The following APP variants were observed in gnomAD, a reference collection of about 807,000 sequenced individuals.
The protein encoded by APP is amyloid-beta precursor protein.
APP carries 31 observed loss-of-function variants against 101.4 expected under a neutral mutation model. That is an observed-to-expected ratio of 0.31 (90% confidence interval 0.23 to 0.41). The LOEUF is 0.41. APP is among the 10% of genes least tolerant of loss of function. APP has a pLI of 1.00. For missense variants in APP, 839 were observed against 1,003.7 expected, an observed-to-expected ratio of 0.84 and a Z score of 2.22; for synonymous variants, 366 against 364.4, an observed-to-expected ratio of 1.00 and a Z score of -0.05.
chr21:25,882,232 G>A (rs976285091), intron 17 of APP, among the ~76,000 whole-genome samples: 3 of 151,500 alleles, frequency 2.0e-5, no homozygotes, highest in Non-Finnish European at 4.4e-5. Flanking sequence ...AATCTGTGTA[G>A]AAAAATACTC....
intron 1 of APP, among the ~76,000 whole-genome samples, chr21:26,137,758 C>T (rs751626258): frequency 6.6e-6 from 1 of 152,020 alleles, no homozygotes; most frequent in Non-Finnish European, 1.5e-5. Flanking sequence ...AAAAAACAAA[C>T]AAACAAACCT....
intron 13 of APP, among the ~76,000 whole-genome samples, chr21:25,938,319 T>C (rs2040435924): frequency 6.6e-6 from 1 of 152,098 alleles, no homozygotes; most frequent in Non-Finnish European, 1.5e-5. Context: ...GGCCAGTTTA[T>C]AGATGGGGAC....
chr21:25,886,781 C>CT (rs201463703), intron 17 of APP, among the ~76,000 whole-genome samples: 2 of 152,178 alleles, frequency 1.3e-5, no homozygotes, highest in African/African-American at 4.8e-5. Flanking sequence ...TGCACCCCCC[C>CT]TCACTTTTCC....
chr21:25,898,098 C>T, intron 15 of APP: 1 of 184,498 alleles, frequency 5.4e-6, no homozygotes, highest in Non-Finnish European at 1.1e-5. Context: ...TAAAAATGAG[C>T]ATTAATTACC....
chr21:26,130,206 G>A (rs2062764227), intron 1 of APP, among the ~76,000 whole-genome samples: 1 of 152,196 alleles, frequency 6.6e-6, no homozygotes, highest in African/African-American at 2.4e-5. Flanking sequence ...ATACCATTCT[G>A]TGATGTTTAA....
rs529609383 is a variant in APP at position 25,923,381 on chromosome 21, G to A, written c.1688-11419C>T. ...CAACAAAAGCCAAAATGGACAAATGGGATCTAATTAAACTAAAGAGCTTCT... is the reference window on the plus strand; with the variant it reads ...CAACAAAAGCCAAAATGGACAAATGAGATCTAATTAAACTAAAGAGCTTCT... On this transcript the variant is annotated intron_variant, in intron 13 of 17. Coordinates refer to ENST00000346798, the MANE Select transcript of APP (RefSeq NM_000484.4). Among the ~76,000 whole-genome samples the A allele has an allele frequency of 1.0e-3, 149 of 148,382 alleles. 2 individuals are homozygous for A. Among genetic ancestry groups the A allele is most frequent in the African/African-American group, 3.6e-3 (140 of 38,370 alleles).
intron 1 of APP, among the ~76,000 whole-genome samples, chr21:26,138,815 G>T (rs149736934): frequency 2.6e-4 from 40 of 152,232 alleles, no homozygotes; most frequent in Non-Finnish European, 5.0e-4. Context: ...TTTATCCATT[G>T]CAAACACAAC....
intron 17 of APP, among the ~76,000 whole-genome samples, chr21:25,885,761 C>G (rs1435821377): frequency 6.6e-6 from 1 of 152,176 alleles, no homozygotes. Context: ...ACGTTTGACA[C>G]TCTTTGGCTA....
intron 1 of APP, among the ~76,000 whole-genome samples, chr21:26,168,501 T>C (rs1601613670): frequency 1.3e-5 from 2 of 152,222 alleles, no homozygotes; most frequent in South Asian, 2.1e-4. Flanking sequence ...AGAAAGAGCA[T>C]ATTAATGCAA....
chr21:25,979,615 G>A (rs1473570714), intron 9 of APP, among the ~76,000 whole-genome samples: 1 of 152,072 alleles, frequency 6.6e-6, no homozygotes, highest in Non-Finnish European at 1.5e-5. Flanking sequence ...TATATCTGAT[G>A]ACTAAAAGAT....
intron 13 of APP, among the ~76,000 whole-genome samples, chr21:25,951,562 T>C (rs2041076390): frequency 6.6e-6 from 1 of 152,204 alleles, no homozygotes; most frequent in African/African-American, 2.4e-5. Context: ...TAGTATGCTA[T>C]TTGTACTGAA....
At chr21:25,970,383 A>G (rs1277968018) in intron 11 of APP, among the ~76,000 whole-genome samples, 2 of 152,298 alleles carry the variant, frequency 1.3e-5, no homozygotes, top group East Asian at 1.9e-4. Context: ...TCCATTTAGC[A>G]AAGATCTTAC....
chr21:25,999,284 C>G (rs1313993292), intron 7 of APP, among the ~76,000 whole-genome samples: 1 of 152,010 alleles, frequency 6.6e-6, no homozygotes, highest in Admixed American at 6.6e-5. Flanking sequence ...AGAATGAGAC[C>G]CTGTCTTTAA....
intron 1 of APP, among the ~76,000 whole-genome samples, chr21:26,131,199 G>A (rs778504923): frequency 4.0e-5 from 6 of 151,812 alleles, no homozygotes; most frequent in South Asian, 2.1e-4. Flanking sequence ...ACTGCACTCC[G>A]GCCCAGGTAA....
intron 15 of APP, chr21:25,898,057 T>C (rs2038196176): frequency 9.4e-6 from 2 of 212,706 alleles, no homozygotes; most frequent in South Asian, 1.6e-4. Context: ...CCATGTGCAC[T>C]CATTACTTCA....
rs542218114 is a variant in APP at position 26,140,992 on chromosome 21, C to G, written c.58-28846G>C. Among the ~76,000 whole-genome samples the G allele has an allele frequency of 2.9e-4, 44 of 152,296 alleles. No homozygotes were observed. The East Asian group carries it at 3.1e-3, about 11-fold the overall frequency. ...GACTGCATAGGTTTAAATTCTAACA[C>G]TAACTGTAATTCTGGCCAAAAGGTT... On this transcript the variant is annotated intron_variant, in intron 1 of 17. Transcript: ENST00000346798.
intron 2 of APP, among the ~76,000 whole-genome samples, chr21:26,108,426 C>G (rs2062233288): frequency 6.6e-6 from 1 of 152,170 alleles, no homozygotes; most frequent in Admixed American, 6.5e-5. Context: ...ATTTCAAGTG[C>G]CAAACAACCA....
intron 1 of APP, among the ~76,000 whole-genome samples, chr21:26,151,600 G>A (rs1246133981): frequency 6.6e-6 from 1 of 152,164 alleles, no homozygotes; most frequent in Non-Finnish European, 1.5e-5. Flanking sequence ...CAATTTTGTG[G>A]TTTGGTTTCG....
intron 1 of APP, among the ~76,000 whole-genome samples, chr21:26,155,113 T>C (rs1256778159): frequency 1.3e-5 from 2 of 152,000 alleles, no homozygotes; most frequent in Non-Finnish European, 2.9e-5. Context: ...TAGCTGGGTG[T>C]GATGGCACAC....
Sources: allele counts gnomAD v4.1 joint callset (sites outside exome capture counted in the v4.1 genomes callset), GRCh38; gene constraint gnomAD v4.1.1; transcripts MANE v1.5; gene names NCBI Gene and HGNC (gene_info 2026-07-23, HGNC 2026-07-21).